Variants in INIP observed in about 807,000 individuals in gnomAD.
The protein encoded by INIP is SOSS complex subunit C.
INIP carries 9 observed loss-of-function variants against 14.0 expected under a neutral mutation model. That is an observed-to-expected ratio of 0.64 (90% CI 0.39 to 1.12). The LOEUF (loss-of-function observed/expected upper bound fraction) is 1.12, where lower values mean the gene tolerates loss of function less well. Ranked by LOEUF, INIP falls within the 50% of genes most tolerant of loss-of-function variation. INIP has a pLI of 0.01. For synonymous variants in INIP, 37 were observed against 41.5 expected, an observed-to-expected ratio of 0.89 and a Z score of 0.41; for missense variants, 78 against 122.7, an observed-to-expected ratio of 0.64 and a Z score of 1.72.
At chr9:112,706,310 A>T (rs1838466123) in intron 2 of INIP, among the ~76,000 whole-genome samples, 1 of 152,188 alleles carries the variant, frequency 6.6e-6, no homozygotes, top group South Asian at 2.1e-4. Context: ...TCAAAAAACT[A>T]AAAATAGAGC....
intron 2 of INIP, among the ~76,000 whole-genome samples, chr9:112,695,942 C>A (rs1838075504): frequency 6.6e-6 from 1 of 152,110 alleles, no homozygotes; most frequent in South Asian, 2.1e-4. Flanking sequence ...GACTGGAGTG[C>A]AGTGGTGTGA....
At chr9:112,688,489 TA>T (rs201986556) in intron 4 of INIP, among the ~76,000 whole-genome samples, 11,790 of 135,122 alleles carry the variant, frequency 0.087, 467 homozygotes, top group Admixed American at 0.13. Flanking sequence ...CCTCTGTCAT[TA>T]AAAAAAAAAA....
chr9:112,717,261 G>A (rs946237317), intron 1 of INIP, among the ~76,000 whole-genome samples: 2 of 152,130 alleles, frequency 1.3e-5, no homozygotes, highest in African/African-American at 4.8e-5. Flanking sequence ...TACACTGAAA[G>A]CTAAAAAAGG....
Position 112,700,538 on chromosome 9 carries a change from T to TATATATA in INIP, c.26-6306_26-6305insTATATAT, listed in dbSNP as rs112196431. Among the ~76,000 whole-genome samples the TATATATA allele has an allele frequency of 4.8e-3, 589 of 122,162 alleles. 5 individuals carry two copies. Among genetic ancestry groups the TATATATA allele is most frequent in the African/African-American group, 0.02 (544 of 27,418 alleles). 80.1% of individuals were successfully genotyped at this position (122,162 alleles called of 152,430 possible). On this transcript the variant is annotated intron_variant, in intron 2 of 4. Transcript: ENST00000374242. ...TAGGTATATATAATATATATATATA[T>TATATATA]TATATATACCTAATTATATTATATA... is the stretch of plus-strand genomic sequence containing the variant.
intron 2 of INIP, among the ~76,000 whole-genome samples, chr9:112,705,437 G>A (rs1036650419): frequency 6.6e-6 from 1 of 152,022 alleles, no homozygotes; most frequent in African/African-American, 2.4e-5. Flanking sequence ...AGCCTCCCAA[G>A]TAGCTGGGAC....
intron 2 of INIP, among the ~76,000 whole-genome samples, chr9:112,694,685 T>TG (rs2131289030): frequency 6.6e-6 from 1 of 152,248 alleles, no homozygotes; most frequent in East Asian, 1.9e-4. Context: ...GCCTTTTTCA[T>TG]GGGGGGAAAA....
At chr9:112,688,065 G>A (rs941496574) in intron 4 of INIP, among the ~76,000 whole-genome samples, 6 of 150,886 alleles carry the variant, frequency 4.0e-5, no homozygotes, top group African/African-American at 7.4e-5. Flanking sequence ...CAGCCTGGGC[G>A]ACAGAGCGAG....
At chr9:112,711,413 A>G (rs2131314164) in intron 2 of INIP, among the ~76,000 whole-genome samples, 1 of 152,308 alleles carries the variant, frequency 6.6e-6, no homozygotes, top group South Asian at 2.1e-4. Context: ...GGATCTGACT[A>G]TGGGTCAGTC....
chr9:112,689,443 C>T, intron 4 of INIP, 84 bp downstream of exon 4: 1 of 1,040,704 alleles, frequency 9.6e-7, no homozygotes, highest in Non-Finnish European at 1.5e-6. Flanking sequence ...GATATTGCTC[C>T]ACTGAAATAT....
intron 2 of INIP, among the ~76,000 whole-genome samples, chr9:112,703,328 CCTGCT>C (rs1838356816): frequency 6.6e-6 from 1 of 152,200 alleles, no homozygotes; most frequent in South Asian, 2.1e-4. Flanking sequence ...AACATGGTCT[CCTGCT>C]CTGTCACTAC....
intron 2 of INIP, among the ~76,000 whole-genome samples, chr9:112,705,521 T>C (rs1588084306): frequency 6.6e-6 from 1 of 152,214 alleles, no homozygotes; most frequent in African/African-American, 2.4e-5. Context: ...GTGTTGCCCA[T>C]GCTGGTCTCA....
chr9:112,689,500 G>C (rs1837800468), intron 4 of INIP, 27 bp downstream of exon 4: 1 of 1,588,212 alleles, frequency 6.3e-7, no homozygotes, highest in Non-Finnish European at 8.6e-7. Flanking sequence ...CCTCCACCGA[G>C]GCAAGAATGT....
At chr9:112,714,724 TTA>T (rs1483682587) in intron 2 of INIP, among the ~76,000 whole-genome samples, 1 of 152,166 alleles carries the variant, frequency 6.6e-6, no homozygotes, top group African/African-American at 2.4e-5. Flanking sequence ...AAATATAAGA[TTA>T]ATAATATAAA....
In INIP at chr9:112,705,035, T is replaced by TCC. The variant is rs1305163428; in HGVS notation, c.26-10803_26-10802insGG. On this transcript the variant is annotated intron_variant, in intron 2 of 4. Transcript: ENST00000374242. ...CTTAGGCAGGAGGATGGCTTGAACCTGGGAGGTCAAAGCTGCAGTGAGCCA... is the reference window on the plus strand; with the variant it reads ...CTTAGGCAGGAGGATGGCTTGAACCTCCGGGAGGTCAAAGCTGCAGTGAGCCA... 3.5e-5 allele frequency among the ~76,000 whole-genome samples: 5 copies of TCC among 140,932 alleles called. No homozygotes were observed. In the East Asian group the frequency reaches 1.1e-3, roughly 30 times the overall value. The allele number at this position is 140,932 out of a possible 152,430, so 92.5% of individuals were successfully genotyped here. A position where few individuals can be genotyped will look rare whatever the true frequency, so the allele number is the denominator to read the frequency against.
chr9:112,713,002 C>T (rs915781370), intron 2 of INIP, among the ~76,000 whole-genome samples: 4 of 152,242 alleles, frequency 2.6e-5, no homozygotes, highest in East Asian at 3.9e-4. Flanking sequence ...AAGAACACCA[C>T]CATTAAGAAC....
Position 112,699,034 on chromosome 9 carries a change from C to T in INIP, c.26-4801G>A, listed in dbSNP as rs952261418. 2.8e-4 allele frequency among the ~76,000 whole-genome samples: 42 copies of T among 152,114 alleles called. 2 individuals are homozygous for T. Among genetic ancestry groups the T allele is most frequent in the African/African-American group, 1.0e-3 (42 of 41,512 alleles). On this transcript the variant is annotated intron_variant, in intron 2 of 4. Coordinates refer to ENST00000374242, the MANE Select transcript of INIP (RefSeq NM_021218.3). ...TTGCATTATTATTTTTATTTAAAAA[C>T]GGGCCAGGTTCAGTGGTTCACACCT...
intron 2 of INIP, among the ~76,000 whole-genome samples, chr9:112,710,641 T>A (rs898925828): frequency 6.6e-6 from 1 of 152,198 alleles, no homozygotes; most frequent in African/African-American, 2.4e-5. Flanking sequence ...TATGACGGCA[T>A]GAAAGACTGC....
At chr9:112,712,344 T>G (rs1355398783) in intron 2 of INIP, among the ~76,000 whole-genome samples, 1 of 152,084 alleles carries the variant, frequency 6.6e-6, no homozygotes, top group Non-Finnish European at 1.5e-5. Context: ...TGAGTATGAG[T>G]TGAGTCAAGC....
chr9:112,684,711 TCTCAA>T lies in INIP; in HGVS notation c.*2822_*2826del, dbSNP rs1449284919. ...ATCCTGTTAAACCATTAAGTTGGCT[TCTCAA>T]CTCAGTAATGGGTTGAGGCTTTTGC... is the stretch of plus-strand genomic sequence containing the variant. On this transcript the variant is annotated 3_prime_UTR_variant, in exon 5 of 5. Coordinates refer to ENST00000374242, the MANE Select transcript of INIP (RefSeq NM_021218.3). The T allele has an allele frequency of 6.6e-6, 1 of 152,220 alleles. No individual in the cohort carries two copies. Among genetic ancestry groups the T allele is most frequent in the Non-Finnish European group, 1.5e-5 (1 of 68,042 alleles). 9.4% of individuals were successfully genotyped at this position (152,220 alleles called of 1,614,324 possible).
Sources: allele counts gnomAD v4.1 joint callset (sites outside exome capture counted in the v4.1 genomes callset), GRCh38; gene constraint gnomAD v4.1.1; transcripts MANE v1.5; gene names NCBI Gene and HGNC (gene_info 2026-07-23, HGNC 2026-07-21).